The following FBXL4 variants were observed in gnomAD, a reference collection of about 807,000 sequenced individuals.
The protein encoded by FBXL4 is F-box/LRR-repeat protein 4.
Under a neutral mutation model 58.9 loss-of-function variants are expected in FBXL4, and 40 were observed. That is an observed-to-expected ratio of 0.68 (90% CI 0.53 to 0.88). FBXL4 has a LOEUF of 0.88. FBXL4 is among the 40% of genes least tolerant of loss of function. FBXL4 has a pLI of 0.00. For synonymous variants in FBXL4, 263 were observed against 265.5 expected (o/e 0.99, Z 0.09); for missense variants, 676 against 734.4 (o/e 0.92, Z 0.92).
rs534246842 is a variant in FBXL4, at chr6:98,873,595, G to A, written c.*683C>T. The A allele has an allele frequency of 6.6e-6, 1 of 151,838 alleles. No individual in the cohort carries two copies. The highest frequency in any genetic ancestry group is 6.6e-5 in the Admixed American group (1 of 15,228). 9.4% of individuals were successfully genotyped at this position (151,838 alleles called of 1,614,324 possible). On this transcript the variant is annotated 3_prime_UTR_variant, in exon 10 of 10. Coordinates refer to ENST00000369244, the MANE Select transcript of FBXL4 (RefSeq NM_001278716.2). ...GGAAACACTACAATTTTTTTTAAGA[G>A]AAAGGGACTTGCTATATTGCCCAGG...
At chr6:98,916,693 A>G (rs1462727712) in intron 5 of FBXL4, among the ~76,000 whole-genome samples, 2 of 152,108 alleles carry the variant, frequency 1.3e-5, no homozygotes, top group East Asian at 3.9e-4. Flanking sequence ...GGGGAGGGAT[A>G]GCATTAGGAG....
At chr6:98,891,226 C>T (rs1479930005) in intron 7 of FBXL4, among the ~76,000 whole-genome samples, 2 of 152,094 alleles carry the variant, frequency 1.3e-5, no homozygotes, top group African/African-American at 4.8e-5. Flanking sequence ...GGCTAAATAT[C>T]ATAAATTGCA....
At chr6:98,913,803 C>A (rs1160854463) in intron 5 of FBXL4, among the ~76,000 whole-genome samples, 2 of 151,842 alleles carry the variant, frequency 1.3e-5, no homozygotes, top group Non-Finnish European at 2.9e-5. Context: ...GAAGGCAAGA[C>A]ATAACTAAAA....
chr6:98,875,769 G>C (rs373761494), intron 8 of FBXL4, 42 bp from the exon 9 acceptor site: 3 of 1,570,288 alleles, frequency 1.9e-6, no homozygotes, highest in Admixed American at 1.7e-5. Context: ...GTTATGCTCA[G>C]ACATGCAAAC....
chr6:98,885,512 A>G (rs1399936934), intron 7 of FBXL4, among the ~76,000 whole-genome samples: 1 of 152,180 alleles, frequency 6.6e-6, no homozygotes, highest in Non-Finnish European at 1.5e-5. Flanking sequence ...TGATCAGCTG[A>G]AGGCCTGAAT....
At chr6:98,935,702 T>C (rs1773188418) in intron 1 of FBXL4, among the ~76,000 whole-genome samples, 1 of 147,412 alleles carries the variant, frequency 6.8e-6, no homozygotes. Flanking sequence ...GGCAGGAGAA[T>C]GGCGTGAACC....
rs1176432984 is a variant in FBXL4, at chr6:98,870,449, G to A, written c.*3829C>T. On this transcript the variant is annotated 3_prime_UTR_variant, in exon 10 of 10. Coordinates refer to ENST00000369244, the MANE Select transcript of FBXL4 (RefSeq NM_001278716.2). ...GAACATGGCCACACTCATTCGTTTA[G>A]GTACTGTCTATGATTGCTTTCACAT... 6.6e-6 allele frequency: 1 copy of A among 152,172 alleles called. No individual in the cohort carries two copies. The highest frequency in any genetic ancestry group is 6.5e-5 in the Admixed American group (1 of 15,278). 9.4% of individuals were successfully genotyped at this position (152,172 alleles called of 1,614,324 possible). A position where few individuals can be genotyped will look rare whatever the true frequency, so the allele number is the denominator to read the frequency against.
At chr6:98,904,397 A>C (rs747619779) in intron 6 of FBXL4, among the ~76,000 whole-genome samples, 4 of 152,228 alleles carry the variant, frequency 2.6e-5, no homozygotes, top group Non-Finnish European at 5.9e-5. Flanking sequence ...ACTTTGATGC[A>C]TAAACTATCA....
intron 5 of FBXL4, among the ~76,000 whole-genome samples, chr6:98,910,654 C>T (rs979880801): frequency 2.0e-5 from 3 of 149,240 alleles, no homozygotes; most frequent in Non-Finnish European, 4.4e-5. Flanking sequence ...GAGACTCCAT[C>T]TCGAAAAAAA....
intron 8 of FBXL4, among the ~76,000 whole-genome samples, chr6:98,879,939 T>A (rs1378332212): frequency 2.7e-5 from 2 of 75,198 alleles, no homozygotes; most frequent in Admixed American, 1.8e-4. Flanking sequence ...CAAGACTCCA[T>A]CTCAAAAAAA....
chr6:98,912,653 C>T (rs563130083), intron 5 of FBXL4, among the ~76,000 whole-genome samples: 1 of 152,034 alleles, frequency 6.6e-6, no homozygotes, highest in South Asian at 2.1e-4. Context: ...ACCAGGCCTG[C>T]CCTAAAAGAG....
At chr6:98,908,022 C>T (rs1771879062) in intron 5 of FBXL4, among the ~76,000 whole-genome samples, 1 of 152,108 alleles carries the variant, frequency 6.6e-6, no homozygotes, top group African/African-American at 2.4e-5. Flanking sequence ...GTAGTGGTCC[C>T]TATACCTAGA....
At chr6:98,904,365 A>G (rs1447144159) in intron 6 of FBXL4, among the ~76,000 whole-genome samples, 2 of 152,208 alleles carry the variant, frequency 1.3e-5, no homozygotes, top group Non-Finnish European at 2.9e-5. Context: ...GCTACTAGCC[A>G]TTACTACTTG....
chr6:98,874,285 G>C lies in FBXL4; in HGVS notation c.1859C>G (p.Thr620Ser), dbSNP rs767709670. The C allele has an allele frequency of 3.8e-6, 6 of 1,592,464 alleles. No individual in the cohort carries two copies. In the South Asian group the frequency reaches 6.9e-5, roughly 18 times the overall value. ...FPKVFIKKSFTQ is the reference protein window; with the variant it reads ...FPKVFIKKSFSQ ...TACAGAACATATATTAAGTCACTGA[G>C]TAAAGCTCTTTTTTATGAACACTTT... Residue 620 changes from threonine (T) to serine (S), a missense_variant, in exon 10 of 10, where the codon ACT becomes AGT. Physicochemically the swap from Thr to Ser is moderately conservative, Grantham distance 58. Coordinates refer to ENST00000369244, the MANE Select transcript of FBXL4 (RefSeq NM_001278716.2).
Position 98,899,674 on chromosome 6 carries a change from T to C in FBXL4, c.1104-193A>G, listed in dbSNP as rs548829918. Among the ~76,000 whole-genome samples, 4 of 152,230 alleles carry C rather than the reference T, an allele frequency of 2.6e-5. No individual in the cohort carries two copies. The South Asian group carries it at 8.3e-4, about 32-fold the overall frequency. Reference sequence around the variant, plus strand: ...GAATGGTTAGGCTAAAAAAATCAACTTGAGAGAACAAAATGAATTCACATC... The same window carrying C: ...GAATGGTTAGGCTAAAAAAATCAACCTGAGAGAACAAAATGAATTCACATC... On this transcript the variant is annotated intron_variant, in intron 6 of 9. Transcript: ENST00000369244.
chr6:98,944,119 G>C lies in FBXL4; in HGVS notation c.-309+3687C>G, dbSNP rs189483458. ...AATAAATTTGTAATAGTATGCCATAGCAACCATTTTTAAAAATCTATATCT... is the reference window on the plus strand; with the variant it reads ...AATAAATTTGTAATAGTATGCCATACCAACCATTTTTAAAAATCTATATCT... On this transcript the variant is annotated intron_variant, in intron 1 of 9. Coordinates refer to ENST00000369244, the MANE Select transcript of FBXL4 (RefSeq NM_001278716.2). Among the ~76,000 whole-genome samples the C allele has an allele frequency of 1.1e-3, 166 of 152,264 alleles. 2 individuals are homozygous for C. The highest frequency in any genetic ancestry group is 1.2e-4 in the Non-Finnish European group (8 of 68,018).
At position 98,899,131 on chromosome 6, in the gene FBXL4, A is replaced by G. The variant is rs191331004; in HGVS notation, c.1317+137T>C. ...ACTTCACAATGACTGAATCAGCTCT[A>G]TTGATTTCAGAGTAGTCAGAAGGCA... is the stretch of plus-strand genomic sequence containing the variant. On this transcript the variant is annotated intron_variant, in intron 7 of 9. Coordinates refer to ENST00000369244, the MANE Select transcript of FBXL4 (RefSeq NM_001278716.2). 121 of 1,438,498 alleles carry G rather than the reference A, an allele frequency of 8.4e-5. 1 individual carries two copies. In the African/African-American group the frequency reaches 1.5e-3, roughly 18 times the overall value. The allele number at this position is 1,438,498 out of a possible 1,614,324, so 89.1% of individuals were successfully genotyped here.
At chr6:98,907,855 A>G (rs1210624257) in intron 5 of FBXL4, among the ~76,000 whole-genome samples, 2 of 152,160 alleles carry the variant, frequency 1.3e-5, no homozygotes, top group Admixed American at 6.5e-5. Flanking sequence ...CTTTAAAATA[A>G]GTTTAAAGAG....
At chr6:98,901,138 G>A (rs113969179) in intron 6 of FBXL4, among the ~76,000 whole-genome samples, 4 of 152,050 alleles carry the variant, frequency 2.6e-5, no homozygotes, top group Non-Finnish European at 5.9e-5. Context: ...AAAGTAAGTC[G>A]CAAATTTGTG....
Sources: allele counts gnomAD v4.1 joint callset (sites outside exome capture counted in the v4.1 genomes callset), GRCh38; gene constraint gnomAD v4.1.1; transcripts MANE v1.5; gene names NCBI Gene and HGNC (gene_info 2026-07-23, HGNC 2026-07-21).